GARIN6: variants seen among roughly 807,000 people sequenced by gnomAD.
GARIN6 encodes Golgi-associated RAB2 interactor protein 6.
the GARIN6 span, chr12:99,648,783 C>A: frequency 6.2e-7 from 1 of 1,609,458 alleles, no homozygotes; most frequent in African/African-American, 1.3e-5. Flanking sequence ...TGCAGAGGAG[C>A]CCAGTGGTGA....
chr12:99,649,140 G>T, the GARIN6 span: 2 of 685,300 alleles, frequency 2.9e-6, no homozygotes, highest in Non-Finnish European at 5.1e-6. Flanking sequence ...TGTAGGACGT[G>T]TCTCCCTGCA....
the GARIN6 span, chr12:99,650,091 A>G: frequency 1.3e-5 from 2 of 152,400 alleles, no homozygotes; most frequent in Non-Finnish European, 2.9e-5. Context: ...CAGGAAGGGT[A>G]GCAATAAAAC....
At chr12:99,648,475 G>A in the GARIN6 span, 3 of 1,613,978 alleles carry the variant, frequency 1.9e-6, no homozygotes, top group East Asian at 4.5e-5. Context: ...TGCCAGGTGT[G>A]GTCCTGCCAC....
the GARIN6 span, chr12:99,648,520 G>C: frequency 6.2e-7 from 1 of 1,614,090 alleles, no homozygotes; most frequent in South Asian, 1.1e-5. Flanking sequence ...AGAGATCTTA[G>C]AACTAACCAG....
chr12:99,648,948 A>AGGAGGT, the GARIN6 span, among the ~76,000 whole-genome samples: 1 of 152,150 alleles, frequency 6.6e-6, no homozygotes, highest in African/African-American at 2.4e-5. Context: ...TGGTACATTG[A>AGGAGGT]GGAGGTTCCT....
the GARIN6 span, chr12:99,648,635 C>T: frequency 3.1e-6 from 5 of 1,614,102 alleles, no homozygotes; most frequent in African/African-American, 1.3e-5. Flanking sequence ...CAGCTGTGTC[C>T]TCCATCGGAT....
At chr12:99,650,071 G>GCT in the GARIN6 span, 2 of 152,420 alleles carry the variant, frequency 1.3e-5, no homozygotes, top group Non-Finnish European at 2.9e-5. Flanking sequence ...AATAACATAT[G>GCT]CTCTATTGAC....
the GARIN6 span, chr12:99,647,890 G>A: frequency 7.3e-6 from 3 of 412,170 alleles, no homozygotes; most frequent in Non-Finnish European, 1.3e-5. Context: ...TGACACCTGT[G>A]TGCCCGGACA....
chr12:99,649,660 G>C, the GARIN6 span: 17 of 393,738 alleles, frequency 4.3e-5, no homozygotes, highest in South Asian at 3.4e-4. Flanking sequence ...TCTTAATCTT[G>C]TTATAGCAAG....
At chr12:99,648,137 G>A in the GARIN6 span, 1 of 1,584,124 alleles carries the variant, frequency 6.3e-7, no homozygotes, top group Non-Finnish European at 8.6e-7. Context: ...GGAAGGTGTG[G>A]AGCAGCTGCT....
At chr12:99,647,960 C>A in the GARIN6 span, 3 of 637,390 alleles carry the variant, frequency 4.7e-6, no homozygotes, top group African/African-American at 3.7e-5. Flanking sequence ...AGGGCACAGT[C>A]TGGATCCAGG....
At chr12:99,649,321 C>G in the GARIN6 span, 1 of 1,613,960 alleles carries the variant, frequency 6.2e-7, no homozygotes, top group African/African-American at 1.3e-5. Flanking sequence ...AGAGAAGGAG[C>G]AATTCAGAAT....
the GARIN6 span, chr12:99,649,568 A>G: frequency 4.1e-5 from 24 of 580,738 alleles, no homozygotes; most frequent in African/African-American, 3.9e-4. Flanking sequence ...GACTCAGGAG[A>G]GAAACACAGC....
chr12:99,648,755 C>A, the GARIN6 span: 21 of 1,613,254 alleles, frequency 1.3e-5, no homozygotes, highest in South Asian at 2.2e-4. Context: ...ACATTGGACT[C>A]ATCTGTGTTG....
the GARIN6 span, chr12:99,649,292 A>G: frequency 6.8e-6 from 11 of 1,613,166 alleles, no homozygotes; most frequent in Non-Finnish European, 9.3e-6. Flanking sequence ...CCCTAGGGAT[A>G]TGCCATGAAG....
At chr12:99,648,164 T>A in the GARIN6 span, 456,845 of 1,604,736 alleles carry the variant, frequency 0.28, 67,267 homozygotes, top group African/African-American at 0.34. Flanking sequence ...TGTCTTGATT[T>A]AAAGGAAGAC....
chr12:99,648,575 T>TA, the GARIN6 span: 12 of 1,614,122 alleles, frequency 7.4e-6, no homozygotes, highest in African/African-American at 4.0e-5. Flanking sequence ...CACAACAGCG[T>TA]AAAAAAACAG....
the GARIN6 span, chr12:99,648,414 C>T: frequency 6.2e-7 from 1 of 1,614,190 alleles, no homozygotes; most frequent in East Asian, 2.2e-5. Flanking sequence ...GCCCCTGCCT[C>T]ACACTACCTG....
the GARIN6 span, chr12:99,648,713 A>G: frequency 3.1e-6 from 5 of 1,614,128 alleles, no homozygotes; most frequent in East Asian, 2.2e-5. Flanking sequence ...GTGGAGGCTT[A>G]CAGTGATACC....
Sources: gnomAD v4.1 joint callset for allele counts (sites outside exome capture counted in the v4.1 genomes callset) on GRCh38, gnomAD v4.1.1 for gene constraint, MANE v1.5 for transcripts, NCBI Gene and HGNC (gene_info 2026-07-23, HGNC 2026-07-21) for gene names.